The following ITGB1 variants were observed in gnomAD, a reference collection of about 807,000 sequenced individuals.
ITGB1 encodes integrin subunit beta 1.
ITGB1 carries 24 observed loss-of-function variants against 86.5 expected under a neutral mutation model. The observed-to-expected ratio is 0.28, with a 90% CI of 0.20 to 0.39. The LOEUF is 0.39. Ranked by LOEUF, ITGB1 falls within the 10% of genes least tolerant of loss-of-function variation. The pLI is 1.00. For synonymous variants in ITGB1, 323 were observed against 316.8 expected (o/e 1.02, Z -0.21); for missense variants, 556 against 946.9 (o/e 0.59, Z 5.42).
intron 6 of ITGB1, among the ~76,000 whole-genome samples, chr10:32,924,684 C>T (rs2094959604): frequency 6.6e-6 from 1 of 152,184 alleles, no homozygotes; most frequent in Non-Finnish European, 1.5e-5. Flanking sequence ...TGCTAACAGG[C>T]TCACACATCA....
At position 32,926,125 on chromosome 10, in the gene ITGB1, T is replaced by C; in HGVS notation, c.548-16A>G. On this transcript the variant is annotated splice_polypyrimidine_tract_variant and intron_variant, in intron 5 of 15. Transcript: ENST00000302278. ...GAGCCAAATCCTGCCAAGAAAAAAA[T>C]GGTACATAAATGAATGAATGGATGG... 2.6e-6 allele frequency: 4 copies of C among 1,555,354 alleles called. No homozygotes were observed. The highest frequency in any genetic ancestry group is 1.7e-4 in the Middle Eastern group (1 of 5,964).
At chr10:32,906,757 G>A (rs567571504) in intron 15 of ITGB1, among the ~76,000 whole-genome samples, 13 of 152,284 alleles carry the variant, frequency 8.5e-5, no homozygotes, top group African/African-American at 2.6e-4. Flanking sequence ...CCCTGTGACA[G>A]TTGAGAGAAG....
In ITGB1 at chr10:32,900,379, CAG is replaced by C. The variant is rs2094878662; in HGVS notation, c.*1189_*1190del. The C allele has an allele frequency of 6.6e-6, 1 of 152,558 alleles. No homozygotes were observed. The highest frequency in any genetic ancestry group is 2.1e-4 in the South Asian group (1 of 4,832). 9.5% of individuals were successfully genotyped at this position (152,558 alleles called of 1,614,324 possible). A position where few individuals can be genotyped will look rare whatever the true frequency, so the allele number is the denominator to read the frequency against. On this transcript the variant is annotated 3_prime_UTR_variant, in exon 16 of 16. Transcript: ENST00000302278. ...ATGCACACAACCTGATAAAATACAT[CAG>C]AGTCAAGACATCCGATTTAAGTATT...
intron 1 of ITGB1, among the ~76,000 whole-genome samples, chr10:32,937,372 A>G (rs1308428851): frequency 6.6e-6 from 1 of 152,124 alleles, no homozygotes; most frequent in Non-Finnish European, 1.5e-5. Context: ...CCTGGACAAC[A>G]TAGTGAAACC....
intron 11 of ITGB1, 124 bp downstream of exon 11, chr10:32,919,761 A>G (rs947611698): frequency 1.3e-6 from 1 of 748,278 alleles, no homozygotes; most frequent in Non-Finnish European, 2.3e-6. Flanking sequence ...GTGGTGAGCA[A>G]CCGTGGTTGG....
At chr10:32,914,966 T>A (rs1485480201) in intron 11 of ITGB1, among the ~76,000 whole-genome samples, 1 of 152,182 alleles carries the variant, frequency 6.6e-6, no homozygotes, top group Non-Finnish European at 1.5e-5. Flanking sequence ...ACAAACTGTC[T>A]CTCAGACCAC....
At chr10:32,922,036 C>A (rs990762218) in intron 9 of ITGB1, among the ~76,000 whole-genome samples, 3 of 152,148 alleles carry the variant, frequency 2.0e-5, no homozygotes, top group African/African-American at 4.8e-5. Context: ...TGGAAATACT[C>A]CCCACATGCC....
intron 1 of ITGB1, among the ~76,000 whole-genome samples, chr10:32,955,832 T>C (rs1775111): frequency 6.6e-6 from 1 of 152,332 alleles, no homozygotes; most frequent in Non-Finnish European, 1.5e-5. Flanking sequence ...ACTTTCAGAA[T>C]TGCTGATTCC....
chr10:32,951,785 G>C (rs891425533), intron 1 of ITGB1: 1 of 152,270 alleles, frequency 6.6e-6, no homozygotes, highest in African/African-American at 2.4e-5. Context: ...AGTTGGGAAC[G>C]GTTTTGGTTG....
At position 32,941,653 on chromosome 10, in the gene ITGB1, CA is replaced by C. The variant is rs138486945; in HGVS notation, c.1-6096del. On this transcript the variant is annotated intron_variant, in intron 1 of 15. Transcript: ENST00000302278. ...GGCAGAAACTCAGTGGAGAAAAGGA[CA>C]GGGGGCAAGACAGGAGCTGGAAGAC... Among the ~76,000 whole-genome samples, 833 of 152,182 alleles carry C rather than the reference CA, an allele frequency of 5.5e-3. 17 individuals carry two copies. The highest frequency in any genetic ancestry group is 0.019 in the African/African-American group (805 of 41,512).
rs756354856 is a variant in ITGB1 at position 32,919,991 on chromosome 10, C to T, written c.1363G>A (p.Glu455Lys). Reference protein sequence around the residue: ...IRPLGFTEEVEVILQYICECE... With the variant: ...IRPLGFTEEVKVILQYICECE... ...TCACAGATGTACTGAAGAATAACCT[C>T]TACTTCCTCCGTAAAGCCCAGAGGC... Residue 455 changes from glutamate to lysine, a missense_variant, in exon 11 of 16, where the codon GAG becomes AAG. Transcript: ENST00000302278. The T allele has an allele frequency of 8.1e-6, 13 of 1,613,814 alleles. No homozygotes were observed. The South Asian group carries it at 1.4e-4, about 18-fold the overall frequency.
chr10:32,942,683 CTTT>C (rs756465879), intron 1 of ITGB1, among the ~76,000 whole-genome samples: 105 of 91,132 alleles, frequency 1.2e-3, no homozygotes, highest in East Asian at 9.0e-3. Flanking sequence ...CTCTCTCTCT[CTTT>C]TTTTTTTTTT....
chr10:32,911,144 G>C (rs1042225370), intron 13 of ITGB1, among the ~76,000 whole-genome samples: 1 of 152,204 alleles, frequency 6.6e-6, no homozygotes, highest in Non-Finnish European at 1.5e-5. Flanking sequence ...TAAGAAATTG[G>C]TAATGACAAA....
At chr10:32,937,779 T>A (rs1203862342) in intron 1 of ITGB1, among the ~76,000 whole-genome samples, 1 of 152,210 alleles carries the variant, frequency 6.6e-6, no homozygotes, top group Non-Finnish European at 1.5e-5. Flanking sequence ...CTTTCTACTT[T>A]CTTAATGAAA....
At chr10:32,918,797 A>C (rs915713490) in intron 11 of ITGB1, among the ~76,000 whole-genome samples, 1 of 152,214 alleles carries the variant, frequency 6.6e-6, no homozygotes, top group Admixed American at 6.5e-5. Flanking sequence ...CTAAAAAAAT[A>C]CAATAAACAC....
chr10:32,910,753 A>G (rs1218341255), intron 13 of ITGB1, among the ~76,000 whole-genome samples: 4 of 150,056 alleles, frequency 2.7e-5, no homozygotes, highest in Admixed American at 6.6e-5. Context: ...TAAAATCATA[A>G]TAATTTTTTT....
intron 2 of ITGB1, among the ~76,000 whole-genome samples, chr10:32,935,088 A>G (rs1231358544): frequency 6.6e-6 from 1 of 152,208 alleles, no homozygotes; most frequent in East Asian, 1.9e-4. Context: ...AGACTTTTTT[A>G]TCAAAGAGTG....
intron 4 of ITGB1, among the ~76,000 whole-genome samples, chr10:32,929,469 CAAAT>C (rs1394936586): frequency 6.6e-6 from 1 of 152,064 alleles, no homozygotes; most frequent in African/African-American, 2.4e-5. Context: ...TAATACTAAA[CAAAT>C]ACAAAGGAAA....
chr10:32,917,418 G>C (rs916713250), intron 11 of ITGB1, among the ~76,000 whole-genome samples: 2 of 152,108 alleles, frequency 1.3e-5, no homozygotes, highest in Admixed American at 1.3e-4. Context: ...CTACAGAATG[G>C]GACACAATTT....
Sources: allele counts gnomAD v4.1 joint callset (sites outside exome capture counted in the v4.1 genomes callset), GRCh38; gene constraint gnomAD v4.1.1; transcripts MANE v1.5; gene names NCBI Gene and HGNC (gene_info 2026-07-23, HGNC 2026-07-21).